Variants in DENND4B observed in about 807,000 individuals in gnomAD.
DENND4B encodes the protein DENN domain containing 4B.
Under a neutral mutation model 161.0 loss-of-function variants are expected in DENND4B, and 67 were observed. The ratio of observed to expected loss-of-function variants is 0.42; its 90% CI spans 0.34 to 0.51. The LOEUF (loss-of-function observed/expected upper bound fraction) is 0.51, where lower values mean the gene tolerates loss of function less well. Among genes scored for constraint, DENND4B ranks in the 20% least tolerant of loss-of-function variants. The pLI, the probability that DENND4B is intolerant of heterozygous loss-of-function variation, is 0.08. For missense variants in DENND4B, 1,481 were observed against 1,968.0 expected (o/e 0.75, Z 4.68); for synonymous variants, 753 against 813.8 (o/e 0.93, Z 1.27).
Position 153,937,883 on chromosome 1 carries a change from G to C in DENND4B, c.1966-20C>G. 4.3e-6 allele frequency: 7 copies of C among 1,613,960 alleles called. No individual in the cohort carries two copies. Among genetic ancestry groups the C allele is most frequent in the Non-Finnish European group, 5.9e-6 (7 of 1,179,880 alleles). ...GTGGACCTGGAGAAGGATTTTAAGA[G>C]AGCAAGTGTTGAGATGGTGGGCATG... On this transcript the variant is annotated intron_variant, in intron 13 of 27. Transcript: ENST00000361217. This position sits in a 1 kb window ranked among gnomAD's most constrained non-coding sequence, Gnocchi z 4.7.
chr1:153,939,664 G>A lies in DENND4B; in HGVS notation c.1744C>T (p.Arg582Trp), dbSNP rs1679557131. ...TGGGTGAGTGGGCGCAGGAAGACCC[G>A]GTAGCCCTTGAGCAGACAGGCCATG... ...RFMACLLKGYRVFLRPLTQAP... is the reference protein window; with the variant it reads ...RFMACLLKGYWVFLRPLTQAP... Residue 582 changes from arginine (R) to tryptophan (W), a missense_variant, in exon 12 of 28, where the codon CGG becomes TGG. This residue lies in a region of DENND4B where 806 missense variants were observed against 1,134.4 expected (regional missense o/e 0.71). Transcript: ENST00000361217. The A allele has an allele frequency of 9.3e-6, 15 of 1,613,894 alleles. No homozygotes were observed. Among genetic ancestry groups the A allele is most frequent in the Non-Finnish European group, 1.2e-5 (14 of 1,179,864 alleles).
chr1:153,944,033 T>A lies in DENND4B; in HGVS notation c.317+25A>T. ...TGGAGTCCCTCCCAGCCTCCCCTGG[T>A]GCCAGCATGGGTAGGGGCACACACC... On this transcript the variant is annotated intron_variant, in intron 2 of 27. Transcript: ENST00000361217. This position sits in a 1 kb window ranked among gnomAD's most constrained non-coding sequence, Gnocchi z 4.8. The A allele has an allele frequency of 2.0e-6, 3 of 1,517,726 alleles. No homozygotes were observed. The highest frequency in any genetic ancestry group is 2.7e-6 in the Non-Finnish European group (3 of 1,130,966). The allele number at this position is 1,517,726 out of a possible 1,614,324, so 94.0% of individuals were successfully genotyped here.
chr1:153,935,042 C>T, intron 17 of DENND4B, 78 bp from the exon 18 acceptor site: 1 of 1,568,014 alleles, frequency 6.4e-7, no homozygotes, highest in Non-Finnish European at 8.6e-7. Flanking sequence ...TGTCTTGGAG[C>T]CCCAGGGACC....
rs1342151324 is a variant in DENND4B, at chr1:153,933,127, C to T, written c.3453+70G>A. The T allele has an allele frequency of 6.2e-7, 1 of 1,610,394 alleles. No individual in the cohort carries two copies. The highest frequency in any genetic ancestry group is 1.3e-5 in the African/African-American group (1 of 74,948). On this transcript the variant is annotated intron_variant, in intron 21 of 27. Transcript: ENST00000361217. The surrounding 1 kb of genome is among the most constrained non-coding windows in gnomAD (Gnocchi z 5.7). Reference sequence around the variant, plus strand: ...AGCCCCTCCCACCTCCTCCCCATCTCCTGCCTTGGACAGGGTGAGTGTGTG... The same window carrying T: ...AGCCCCTCCCACCTCCTCCCCATCTTCTGCCTTGGACAGGGTGAGTGTGTG...
In DENND4B at chr1:153,936,254, C is replaced by G; in HGVS notation, c.2440-66G>C. Reference sequence around the variant, plus strand: ...CAACCAAAACCAAAGTCTCAGCAAGCACCCTCTTCCTGCCTCCCCAATTCT... The same window carrying G: ...CAACCAAAACCAAAGTCTCAGCAAGGACCCTCTTCCTGCCTCCCCAATTCT... On this transcript the variant is annotated intron_variant, in intron 16 of 27. Transcript: ENST00000361217. The surrounding 1 kb of genome is among the most constrained non-coding windows in gnomAD (Gnocchi z 4.1). The G allele has an allele frequency of 6.5e-7, 1 of 1,539,654 alleles. No homozygotes were observed. Among genetic ancestry groups the G allele is most frequent in the Non-Finnish European group, 8.8e-7 (1 of 1,139,192 alleles).
In DENND4B at chr1:153,939,819, A is replaced by G; in HGVS notation, c.1604-15T>C. 2 of 1,611,730 alleles carry G rather than the reference A, an allele frequency of 1.2e-6. No homozygotes were observed. The highest frequency in any genetic ancestry group is 1.7e-6 in the Non-Finnish European group (2 of 1,178,456). Reference sequence around the variant, plus strand: ...TCCAGTGTATGCTGGAGGCCAGGGCAGCCTAAGAGTCAGGGCTGGCTCCCA... The same window carrying G: ...TCCAGTGTATGCTGGAGGCCAGGGCGGCCTAAGAGTCAGGGCTGGCTCCCA... On this transcript the variant is annotated splice_polypyrimidine_tract_variant and intron_variant, in intron 11 of 27. Coordinates refer to ENST00000361217, the MANE Select transcript of DENND4B (RefSeq NM_014856.3).
In DENND4B at chr1:153,930,537, A is replaced by T; in HGVS notation, c.4345+2T>A. 6.2e-7 allele frequency: 1 copy of T among 1,613,150 alleles called. No individual in the cohort carries two copies. Among genetic ancestry groups the T allele is most frequent in the African/African-American group, 1.3e-5 (1 of 74,760 alleles). The stretch of plus-strand genomic sequence containing the variant: ...TCCTCAGCCCCTTGCCTGCAATCTC[A>T]CCTATGTCCACGTGGTCCTTGCCCA... On this transcript the variant is annotated splice_donor_variant, in intron 27 of 27. Transcript: ENST00000361217. LOFTEE classifies it high-confidence loss of function. This position sits in a 1 kb window ranked among gnomAD's most constrained non-coding sequence, Gnocchi z 4.7.
Position 153,934,684 on chromosome 1 carries a change from C to T in DENND4B, c.2773+76G>A. Reference sequence around the variant, plus strand: ...AACCCAATGCCAACCATTAGACCAGCCCCAACTCTCTATGCCTTTCCCTGC... The same window carrying T: ...AACCCAATGCCAACCATTAGACCAGTCCCAACTCTCTATGCCTTTCCCTGC... On this transcript the variant is annotated intron_variant, in intron 18 of 27. Coordinates refer to ENST00000361217, the MANE Select transcript of DENND4B (RefSeq NM_014856.3). The surrounding 1 kb of genome is among the most constrained non-coding windows in gnomAD (Gnocchi z 5.3). 6.5e-7 allele frequency: 1 copy of T among 1,536,182 alleles called. No homozygotes were observed.
chr1:153,941,779 T>TGGG, intron 6 of DENND4B, 90 bp downstream of exon 6: 1 of 464,526 alleles, frequency 2.2e-6, no homozygotes, highest in Non-Finnish European at 3.9e-6. Flanking sequence ...TGCCCAGCCC[T>TGGG]CCCCCCACCC....
In DENND4B at chr1:153,942,211, C is replaced by T; in HGVS notation, c.786G>A (p.Val262=). ...CCTTATCACCAGCTGCACCCGTGAG[C>T]ACAAAGGTGGAGAAGACGGGCACGG... is the stretch of plus-strand genomic sequence containing the variant. ...KYPVPVFSTF[V]LTGAAGDKVY... is the part of the protein sequence containing the mutation. The change falls in exon 5 of 28, where the codon GTG becomes GTA. Residue 262 remains valine, a synonymous_variant. Coordinates refer to ENST00000361217, the MANE Select transcript of DENND4B (RefSeq NM_014856.3). The surrounding 1 kb of genome is among the most constrained non-coding windows in gnomAD (Gnocchi z 6.9). 6.2e-7 allele frequency: 1 copy of T among 1,613,984 alleles called. No homozygotes were observed. Among genetic ancestry groups the T allele is most frequent in the Non-Finnish European group, 8.5e-7 (1 of 1,179,890 alleles).
chr1:153,935,003 C>T (rs374551947), intron 17 of DENND4B, 39 bp from the exon 18 acceptor site: 41 of 1,598,904 alleles, frequency 2.6e-5, no homozygotes, highest in Non-Finnish European at 2.9e-5. Flanking sequence ...CCTACCTCGA[C>T]ACCCTAACCC....
At chr1:153,939,431 G>A (rs1345464861) in intron 12 of DENND4B, among the ~76,000 whole-genome samples, 158 bp downstream of exon 12, 1 of 151,994 alleles carries the variant, frequency 6.6e-6, no homozygotes, top group East Asian at 1.9e-4. Flanking sequence ...AAGACCAGAA[G>A]AGTTAAATGG....
intron 13 of DENND4B, 42 bp downstream of exon 13, chr1:153,938,858 G>T (rs367950570): frequency 6.0e-5 from 93 of 1,556,632 alleles, no homozygotes; most frequent in Middle Eastern, 3.3e-4. Flanking sequence ...GACAATGAGG[G>T]AGACAGCAGA....
rs1022542478 is a variant in DENND4B at position 153,933,088 on chromosome 1, C to G, written c.3454-58G>C. The G allele has an allele frequency of 1.9e-6, 3 of 1,610,502 alleles. No individual in the cohort carries two copies. Among genetic ancestry groups the G allele is most frequent in the South Asian group, 2.2e-5 (2 of 90,936 alleles). ...GTCTGGCCGCCAGCACTCTGGAGCC[C>G]ATGCCCCTTCCCCAGCCCCTCCCAC... On this transcript the variant is annotated intron_variant, in intron 21 of 27. Coordinates refer to ENST00000361217, the MANE Select transcript of DENND4B (RefSeq NM_014856.3). This position sits in a 1 kb window ranked among gnomAD's most constrained non-coding sequence, Gnocchi z 5.7.
Position 153,934,675 on chromosome 1 carries a change from T to A in DENND4B, c.2773+85A>T. ...ATCCCCAGAAACCCAATGCCAACCA[T>A]TAGACCAGCCCCAACTCTCTATGCC... On this transcript the variant is annotated intron_variant, in intron 18 of 27. Coordinates refer to ENST00000361217, the MANE Select transcript of DENND4B (RefSeq NM_014856.3). This position sits in a 1 kb window ranked among gnomAD's most constrained non-coding sequence, Gnocchi z 5.3. 6.6e-7 allele frequency: 1 copy of A among 1,523,656 alleles called. No individual in the cohort carries two copies. Among genetic ancestry groups the A allele is most frequent in the Non-Finnish European group, 8.8e-7 (1 of 1,135,094 alleles). 94.4% of individuals were successfully genotyped at this position (1,523,656 alleles called of 1,614,324 possible). A position where few individuals can be genotyped will look rare whatever the true frequency, so the allele number is the denominator to read the frequency against.
At chr1:153,939,494 A>C in intron 12 of DENND4B, 95 bp downstream of exon 12, 1 of 1,346,022 alleles carries the variant, frequency 7.4e-7, no homozygotes, top group Non-Finnish European at 1.0e-6. Flanking sequence ...TAAACAATGG[A>C]GTGGCTCCCA....
chr1:153,930,625 A>G lies in DENND4B; in HGVS notation c.4281-22T>C, dbSNP rs1678853320. The G allele has an allele frequency of 3.1e-6, 5 of 1,613,832 alleles. No homozygotes were observed. Among genetic ancestry groups the G allele is most frequent in the Admixed American group, 1.7e-5 (1 of 59,982 alleles). On this transcript the variant is annotated intron_variant, in intron 26 of 27. Transcript: ENST00000361217. This position sits in a 1 kb window ranked among gnomAD's most constrained non-coding sequence, Gnocchi z 4.7. ...TCCCCTTTAGTGGAGGCAGAAGTGT[A>G]TGAGTGAGAGAAAAGGGGTGTGGAG...
At position 153,932,418 on chromosome 1, in the gene DENND4B, C is replaced by G. The variant is rs1186412271; in HGVS notation, c.3782G>C (p.Ser1261Thr). Residue 1261 changes from serine (S) to threonine (T), a missense_variant, in exon 24 of 28, where the codon AGT (serine) becomes ACT (threonine). This residue lies in a region of DENND4B where 336 missense variants were observed against 503.3 expected (regional missense o/e 0.67). Coordinates refer to ENST00000361217, the MANE Select transcript of DENND4B (RefSeq NM_014856.3). This position sits in a 1 kb window ranked among gnomAD's most constrained non-coding sequence, Gnocchi z 5.8. The stretch of plus-strand genomic sequence containing the variant: ...GGGGCTCAGGTATGCCCATGCCCCA[C>G]TCTCAACCCGCCGGGAGGCTCCCTA... ...HMGGASRRVESGAWAYLSPLV... is the reference protein window; with the variant it reads ...HMGGASRRVETGAWAYLSPLV... 2 of 1,611,580 alleles carry G rather than the reference C, an allele frequency of 1.2e-6. No homozygotes were observed. Among genetic ancestry groups the G allele is most frequent in the Non-Finnish European group, 1.7e-6 (2 of 1,178,896 alleles).
intron 6 of DENND4B, 55 bp downstream of exon 6, chr1:153,941,814 C>G: frequency 3.1e-6 from 5 of 1,597,594 alleles, no homozygotes; most frequent in Non-Finnish European, 4.3e-6. Flanking sequence ...CCCATCTCTC[C>G]TGGCCCCCTT....
Sources: gnomAD v4.1 joint callset for allele counts (sites outside exome capture counted in the v4.1 genomes callset) on GRCh38, gnomAD v4.1.1 for gene constraint, gnomAD v4.1.1 regional missense constraint, Gnocchi (gnomAD v3.1) non-coding constraint, MANE v1.5 for transcripts, NCBI Gene and HGNC (gene_info 2026-07-23, HGNC 2026-07-21) for gene names.